The following NTNG2 variants were observed in gnomAD, a reference collection of about 807,000 sequenced individuals.
NTNG2 encodes netrin G2.
Under a neutral mutation model 47.6 loss-of-function variants are expected in NTNG2, and 15 were observed. The ratio of observed to expected loss-of-function variants is 0.32; its 90% confidence interval spans 0.21 to 0.49. The LOEUF is 0.49. Ranked by LOEUF, NTNG2 falls within the 20% of genes least tolerant of loss-of-function variation. The pLI, the probability that NTNG2 is intolerant of heterozygous loss-of-function variation, is 0.99. For missense variants in NTNG2, 578 were observed against 764.6 expected (o/e 0.76, Z 2.88); for synonymous variants, 307 against 324.6 (o/e 0.95, Z 0.58).
chr9:132,207,439 G>T (rs1358587217), intron 3 of NTNG2, among the ~76,000 whole-genome samples: 2 of 152,210 alleles, frequency 1.3e-5, no homozygotes, highest in Non-Finnish European at 2.9e-5. Context: ...TCTCTGCCTT[G>T]TCTTGCGGCT....
At position 132,241,051 on chromosome 9, in the gene NTNG2, G is replaced by A. The variant is rs763087642; in HGVS notation, c.1357+7G>A. On this transcript the variant is annotated splice_region_variant and intron_variant, in intron 7 of 7. Transcript: ENST00000393229. ...TGGCGCCAGGGCTGCTACCGTGAGT[G>A]CGCGCCGTCCCCCGTGGGCGGGGCC... 3.7e-5 allele frequency: 59 copies of A among 1,592,964 alleles called. No individual in the cohort carries two copies. Among genetic ancestry groups the A allele is most frequent in the Non-Finnish European group, 4.9e-5 (57 of 1,174,534 alleles).
Position 132,231,063 on chromosome 9 carries a change from G to A in NTNG2, c.1054+468G>A, listed in dbSNP as rs569140530. ...AATCCACCCCCTAGCCTAACCATGG[G>A]GGCAGCCTCCCTCTGGGCAGCCTCT... On this transcript the variant is annotated intron_variant, in intron 5 of 7. Coordinates refer to ENST00000393229, the MANE Select transcript of NTNG2 (RefSeq NM_032536.4). The surrounding 1 kb of genome is among the most constrained non-coding windows in gnomAD (Gnocchi z 4.1). Among the ~76,000 whole-genome samples the A allele has an allele frequency of 6.6e-6, 1 of 152,108 alleles. No homozygotes were observed. The highest frequency in any genetic ancestry group is 2.4e-5 in the African/African-American group (1 of 41,418).
chr9:132,215,431 T>C lies in NTNG2; in HGVS notation c.858-11418T>C, dbSNP rs892904090. 1.1e-4 allele frequency among the ~76,000 whole-genome samples: 17 copies of C among 152,104 alleles called. No individual in the cohort carries two copies. Among genetic ancestry groups the C allele is most frequent in the Admixed American group, 3.3e-4 (5 of 15,274 alleles). On this transcript the variant is annotated intron_variant, in intron 3 of 7. Transcript: ENST00000393229. The surrounding 1 kb of genome is among the most constrained non-coding windows in gnomAD (Gnocchi z 4.2). ...CCCCATCTCTACTAAAATACTAAAATTAGCCGGGTGTGGTGGCGGGCGCCT... is the reference window on the plus strand; with the variant it reads ...CCCCATCTCTACTAAAATACTAAAACTAGCCGGGTGTGGTGGCGGGCGCCT...
At chr9:132,239,048 T>A (rs776051799) in intron 5 of NTNG2, 56 bp from the exon 6 acceptor site, 1 of 1,569,552 alleles carries the variant, frequency 6.4e-7, no homozygotes, top group East Asian at 2.3e-5. Context: ...GCCCTGTCCC[T>A]CAGTTTCCCT....
In NTNG2 at chr9:132,218,463, C is replaced by T. The variant is rs148445553; in HGVS notation, c.858-8386C>T. Among the ~76,000 whole-genome samples, 829 of 151,702 alleles carry T rather than the reference C, an allele frequency of 5.5e-3. 3 individuals are homozygous for T. Among genetic ancestry groups the T allele is most frequent in the Middle Eastern group, 0.01 (3 of 290 alleles). On this transcript the variant is annotated intron_variant, in intron 3 of 7. Transcript: ENST00000393229. This position sits in a 1 kb window ranked among gnomAD's most constrained non-coding sequence, Gnocchi z 5.4. ...TACCCAGGAGACTTCCTTTGAGGCACAATGTGATAGCGTTTTGTTTTTTTG... is the reference window on the plus strand; with the variant it reads ...TACCCAGGAGACTTCCTTTGAGGCATAATGTGATAGCGTTTTGTTTTTTTG...
At chr9:132,196,838 T>C (rs761272918) in intron 2 of NTNG2, among the ~76,000 whole-genome samples, 19 of 152,212 alleles carry the variant, frequency 1.2e-4, no homozygotes, top group Non-Finnish European at 4.4e-5. Context: ...TCTGACGCAA[T>C]TGCAAGTTCC....
Position 132,227,650 on chromosome 9 carries a change from C to T in NTNG2, c.1030+629C>T, listed in dbSNP as rs532078189. On this transcript the variant is annotated intron_variant, in intron 4 of 7. Transcript: ENST00000393229. The stretch of plus-strand genomic sequence containing the variant: ...CTTTTTACAGATGTGTCCTCTACGG[C>T]CTGCACCAGAGTCCCCCCGCACGTG... 7.1e-4 allele frequency among the ~76,000 whole-genome samples: 108 copies of T among 152,310 alleles called. 1 individual carries two copies. Among genetic ancestry groups the T allele is most frequent in the African/African-American group, 2.6e-3 (108 of 41,568 alleles).
At chr9:132,195,505 T>A (rs927827914) in intron 2 of NTNG2, among the ~76,000 whole-genome samples, 2 of 149,316 alleles carry the variant, frequency 1.3e-5, no homozygotes, top group Admixed American at 1.3e-4. Flanking sequence ...TTTTTTGTAT[T>A]TTTAGTAGAG....
At chr9:132,186,508 A>G (rs1024600973) in intron 2 of NTNG2, among the ~76,000 whole-genome samples, 8 of 152,230 alleles carry the variant, frequency 5.3e-5, no homozygotes, top group Admixed American at 2.0e-4. Context: ...GAGATCAGTC[A>G]TTCAGGGGTC....
chr9:132,243,161 A>G lies in NTNG2; in HGVS notation c.*1050A>G, dbSNP rs1299048602. On this transcript the variant is annotated 3_prime_UTR_variant, in exon 8 of 8. Transcript: ENST00000393229. ...GAAATGACTCAGGGAGAATCCTAGC[A>G]GAGGTTGAATCCAATGCTCTGATTT... The G allele has an allele frequency of 2.0e-5, 3 of 152,084 alleles. No homozygotes were observed. The highest frequency in any genetic ancestry group is 4.4e-5 in the Non-Finnish European group (3 of 68,010). The allele number at this position is 152,084 out of a possible 1,614,324, so 9.4% of individuals were successfully genotyped here. A position where few individuals can be genotyped will look rare whatever the true frequency, so the allele number is the denominator to read the frequency against.
intron 5 of NTNG2, chr9:132,233,439 G>A (rs1194808125): frequency 6.6e-6 from 1 of 152,294 alleles, no homozygotes. Flanking sequence ...AATTAAAGAG[G>A]AAAAGTCAGA....
intron 2 of NTNG2, among the ~76,000 whole-genome samples, chr9:132,168,021 T>C (rs1297650329): frequency 6.6e-6 from 1 of 152,172 alleles, no homozygotes; most frequent in African/African-American, 2.4e-5. Flanking sequence ...TTAACGTAGG[T>C]AAAGTGTTCG....
Position 132,208,450 on chromosome 9 carries a change from T to C in NTNG2, c.857+9841T>C, listed in dbSNP as rs932774044. On this transcript the variant is annotated intron_variant, in intron 3 of 7. Coordinates refer to ENST00000393229, the MANE Select transcript of NTNG2 (RefSeq NM_032536.4). This position sits in a 1 kb window ranked among gnomAD's most constrained non-coding sequence, Gnocchi z 4.0. ...GATTTCCGGTGTTTGGAAATCTGAG[T>C]TGGGGGTGGCGGTGCTGGAGGCCTG... is the stretch of plus-strand genomic sequence containing the variant. Among the ~76,000 whole-genome samples, 18 of 151,756 alleles carry C rather than the reference T, an allele frequency of 1.2e-4. No homozygotes were observed. Among genetic ancestry groups the C allele is most frequent in the Non-Finnish European group, 2.1e-4 (14 of 67,898 alleles).
chr9:132,223,918 C>A (rs1379999267), intron 3 of NTNG2, among the ~76,000 whole-genome samples: 5 of 151,864 alleles, frequency 3.3e-5, no homozygotes, highest in Admixed American at 1.3e-4. Context: ...TCCTCCACCC[C>A]CCAGCCTCAT....
Position 132,166,987 on chromosome 9 carries a change from G to A in NTNG2, c.156G>A (p.Val52=), listed in dbSNP as rs765155501. 6.2e-7 allele frequency: 1 copy of A among 1,614,270 alleles called. No homozygotes were observed. Among genetic ancestry groups the A allele is most frequent in the East Asian group, 2.2e-5 (1 of 44,882 alleles). ...KVMRLKDYVK[V]KVEPSGITCG... is the part of the protein sequence containing the mutation. Reference sequence around the variant, plus strand: ...TGCGCCTGAAGGACTACGTCAAGGTGAAGGTGGAGCCCTCAGGCATCACAT... The same window carrying A: ...TGCGCCTGAAGGACTACGTCAAGGTAAAGGTGGAGCCCTCAGGCATCACAT... The change falls in exon 2 of 8, where the codon GTG becomes GTA. Residue 52 remains valine, a synonymous_variant. Transcript: ENST00000393229.
intron 3 of NTNG2, among the ~76,000 whole-genome samples, chr9:132,217,992 T>C (rs753645106): frequency 6.6e-6 from 1 of 152,198 alleles, no homozygotes; most frequent in Non-Finnish European, 1.5e-5. Context: ...ATATCGCTCC[T>C]CAGGGCCAGT....
At chr9:132,195,382 T>G (rs541274578) in intron 2 of NTNG2, among the ~76,000 whole-genome samples, 1 of 151,956 alleles carries the variant, frequency 6.6e-6, no homozygotes, top group East Asian at 1.9e-4. Flanking sequence ...GATCTCGGCT[T>G]ACTGCAAGCT....
At position 132,187,649 on chromosome 9, in the gene NTNG2, C is replaced by A. The variant is rs1050384861; in HGVS notation, c.214-10317C>A. On this transcript the variant is annotated intron_variant, in intron 2 of 7. Transcript: ENST00000393229. The stretch of plus-strand genomic sequence containing the variant: ...AGGGAGAGCTCAGAGAGTTAGAGAC[C>A]GTCAGGGCCGCTAGAATTAGAATCA... 2.6e-5 allele frequency among the ~76,000 whole-genome samples: 4 copies of A among 151,516 alleles called. No homozygotes were observed. In the South Asian group the frequency reaches 8.3e-4, roughly 32 times the overall value.
chr9:132,221,840 A>G lies in NTNG2; in HGVS notation c.858-5009A>G, dbSNP rs1840370675. ...GGCTACCTATTATCACTGTTACAAT[A>G]TGCTTCTTGGATTCGGCCGGTCTTC... On this transcript the variant is annotated intron_variant, in intron 3 of 7. Transcript: ENST00000393229. This position sits in a 1 kb window ranked among gnomAD's most constrained non-coding sequence, Gnocchi z 4.2. 6.6e-6 allele frequency among the ~76,000 whole-genome samples: 1 copy of G among 152,194 alleles called. No individual in the cohort carries two copies. Among genetic ancestry groups the G allele is most frequent in the Non-Finnish European group, 1.5e-5 (1 of 68,038 alleles).
Sources: gnomAD v4.1 joint callset for allele counts (sites outside exome capture counted in the v4.1 genomes callset) on GRCh38, gnomAD v4.1.1 for gene constraint, Gnocchi (gnomAD v3.1) non-coding constraint, MANE v1.5 for transcripts, NCBI Gene and HGNC (gene_info 2026-07-23, HGNC 2026-07-21) for gene names.